Variants in PLXNA4 observed in about 807,000 individuals in gnomAD.
The protein encoded by PLXNA4 is plexin-A4.
Under a neutral mutation model 191.8 loss-of-function variants are expected in PLXNA4, and 44 were observed. That is an observed-to-expected ratio of 0.23 (90% CI 0.18 to 0.29). PLXNA4 has a LOEUF of 0.29. Ranked by LOEUF, PLXNA4 falls within the 10% of genes least tolerant of loss-of-function variation. The pLI, the probability that PLXNA4 is intolerant of heterozygous loss-of-function variation, is 1.00. For synonymous variants in PLXNA4, 1,082 were observed against 1,009.5 expected (o/e 1.07, Z -1.36); for missense variants, 1,800 against 2,488.8 (o/e 0.72, Z 5.89).
chr7:132,439,660 G>T (rs923035853), intron 3 of PLXNA4, among the ~76,000 whole-genome samples: 1 of 152,116 alleles, frequency 6.6e-6, no homozygotes, highest in Admixed American at 6.5e-5. Context: ...CAAACCACTT[G>T]TTTAGGGGGC....
chr7:132,187,325 G>A (rs974043651), intron 15 of PLXNA4, 146 bp downstream of exon 15: 5 of 1,269,404 alleles, frequency 3.9e-6, no homozygotes, highest in Non-Finnish European at 5.3e-6. Context: ...TCAGGAAATT[G>A]GCTCTATCTG....
intron 3 of PLXNA4, among the ~76,000 whole-genome samples, chr7:132,315,927 G>A (rs907793667): frequency 4.6e-5 from 7 of 152,206 alleles, no homozygotes; most frequent in Admixed American, 2.0e-4. Flanking sequence ...AGCCCAGAGT[G>A]GTAGGTTGGA....
In PLXNA4 at chr7:132,179,633, C is replaced by G. The variant is rs1295706468; in HGVS notation, c.3874+54G>C. ...ACACATACACAGATGTGCATGCACA[C>G]ACATATGCACACACGCACACACACA... On this transcript the variant is annotated intron_variant, in intron 20 of 31. Transcript: ENST00000321063. 1.9e-6 allele frequency: 3 copies of G among 1,584,244 alleles called. No homozygotes were observed. In the African/African-American group the frequency reaches 4.0e-5, roughly 21 times the overall value.
intron 20 of PLXNA4, among the ~76,000 whole-genome samples, chr7:132,178,836 A>G (rs1346857404): frequency 9.8e-6 from 1 of 101,820 alleles, no homozygotes; most frequent in Non-Finnish European, 1.8e-5. Flanking sequence ...ACATACACAT[A>G]CACATATATA....
At chr7:132,210,761 C>T (rs77440692) in intron 10 of PLXNA4, among the ~76,000 whole-genome samples, 182 bp downstream of exon 10, 5,281 of 152,276 alleles carry the variant, frequency 0.035, 291 homozygotes, top group East Asian at 0.15. Context: ...GAACCCAGCA[C>T]GCTGCTGGGG....
chr7:132,381,675 TCA>T (rs550635048), intron 3 of PLXNA4, among the ~76,000 whole-genome samples: 10 of 152,220 alleles, frequency 6.6e-5, no homozygotes, highest in African/African-American at 1.2e-4. Flanking sequence ...TCACATACAC[TCA>T]CACATTTGGG....
intron 25 of PLXNA4, among the ~76,000 whole-genome samples, chr7:132,156,135 T>TAC (rs57153762): frequency 0.23 from 30,876 of 132,910 alleles, 3,790 homozygotes; most frequent in East Asian, 0.31. Flanking sequence ...TTTCTGGACA[T>TAC]ACACACACAC....
chr7:132,195,163 G>A (rs533905892), intron 13 of PLXNA4, among the ~76,000 whole-genome samples: 12 of 150,814 alleles, frequency 8.0e-5, no homozygotes, highest in South Asian at 4.2e-4. Context: ...ACATGCATAC[G>A]TAAGGAAAGA....
chr7:132,199,239 T>C (rs1797356202), intron 12 of PLXNA4, among the ~76,000 whole-genome samples: 1 of 152,196 alleles, frequency 6.6e-6, no homozygotes, highest in Non-Finnish European at 1.5e-5. Context: ...TCCCTCCTTG[T>C]GGGCTTTTCA....
At position 132,508,199 on chromosome 7, in the gene PLXNA4, C is replaced by T; in HGVS notation, c.495G>A (p.Glu165=). 3 of 1,614,220 alleles carry T rather than the reference C, an allele frequency of 1.9e-6. No individual in the cohort carries two copies. Among genetic ancestry groups the T allele is most frequent in the Non-Finnish European group, 2.5e-6 (3 of 1,180,038 alleles). ...CGATCACTCCAAAGACTGAGCCGCTCTCGTTGACACCTGACAGATAGTGCT... is the reference window on the plus strand; with the variant it reads ...CGATCACTCCAAAGACTGAGCCGCTTTCGTTGACACCTGACAGATAGTGCT... ...KKEHYLSGVN[E]SGSVFGVIVS... The change falls in exon 2 of 32, where the codon GAG becomes GAA. Residue 165 remains glutamate (E), a synonymous_variant. Transcript: ENST00000321063. This position sits in a 1 kb window ranked among gnomAD's most constrained non-coding sequence, Gnocchi z 4.4.
chr7:132,313,891 A>G (rs1801844527), intron 3 of PLXNA4, among the ~76,000 whole-genome samples: 1 of 152,124 alleles, frequency 6.6e-6, no homozygotes, highest in African/African-American at 2.4e-5. Flanking sequence ...TAGATTACAG[A>G]ATACAGATTG....
At chr7:132,544,348 G>C (rs1023791749) in intron 1 of PLXNA4, among the ~76,000 whole-genome samples, 2 of 152,218 alleles carry the variant, frequency 1.3e-5, no homozygotes, top group African/African-American at 4.8e-5. Flanking sequence ...CAACCTCTTG[G>C]AGAGTCAGAG....
At chr7:132,388,100 T>G (rs920030996) in intron 3 of PLXNA4, among the ~76,000 whole-genome samples, 1 of 152,082 alleles carries the variant, frequency 6.6e-6, no homozygotes, top group African/African-American at 2.4e-5. Context: ...CACAGCCCCC[T>G]CAGTCCAGCT....
chr7:132,230,734 C>G (rs1170745896), intron 5 of PLXNA4, among the ~76,000 whole-genome samples: 2 of 152,218 alleles, frequency 1.3e-5, no homozygotes, highest in African/African-American at 4.8e-5. Context: ...TAACAGCAGA[C>G]CCAGAGAGCT....
At chr7:132,401,662 C>G (rs1001624691) in intron 3 of PLXNA4, among the ~76,000 whole-genome samples, 1 of 152,108 alleles carries the variant, frequency 6.6e-6, no homozygotes, top group African/African-American at 2.4e-5. Context: ...AAAGGGCCCT[C>G]TAAGCCAATA....
chr7:132,599,915 T>G (rs1288556837), intron 2 of PLXNA4, among the ~76,000 whole-genome samples: 2 of 152,214 alleles, frequency 1.3e-5, no homozygotes, highest in Non-Finnish European at 2.9e-5. Flanking sequence ...TTATCATGTA[T>G]TTCTTCATCA....
At chr7:132,365,342 T>TGG in intron 3 of PLXNA4, among the ~76,000 whole-genome samples, 1 of 118,694 alleles carries the variant, frequency 8.4e-6, no homozygotes, top group Non-Finnish European at 1.6e-5. Context: ...TGTGTGTGTG[T>TGG]GTGTGTGTGT....
intron 1 of PLXNA4, among the ~76,000 whole-genome samples, chr7:132,563,184 C>T (rs1585349371): frequency 4.2e-5 from 2 of 47,950 alleles, no homozygotes; most frequent in Non-Finnish European, 1.1e-4. Flanking sequence ...CCTCCTTCTC[C>T]TTCCTCCTCC....
At chr7:132,236,688 G>A (rs1798712916) in intron 5 of PLXNA4, among the ~76,000 whole-genome samples, 1 of 152,138 alleles carries the variant, frequency 6.6e-6, no homozygotes, top group African/African-American at 2.4e-5. Context: ...GGGCAGGTCT[G>A]AGAGATCTAC....
Sources: gnomAD v4.1 joint callset for allele counts (sites outside exome capture counted in the v4.1 genomes callset) on GRCh38, gnomAD v4.1.1 for gene constraint, Gnocchi (gnomAD v3.1) non-coding constraint, MANE v1.5 for transcripts, NCBI Gene and HGNC (gene_info 2026-07-23, HGNC 2026-07-21) for gene names.